SIPA1L1: variants seen among roughly 807,000 people sequenced by gnomAD.
SIPA1L1 encodes signal induced proliferation associated 1 like 1, also known as signal-induced proliferation-associated 1-like protein 1.
In SIPA1L1, 26 loss-of-function variants were observed where a neutral mutation model predicts 162.7. The observed-to-expected ratio is 0.16, with a 90% CI of 0.12 to 0.22. SIPA1L1 has a LOEUF of 0.22. SIPA1L1 is among the 10% of genes least tolerant of loss of function. SIPA1L1 has a pLI of 1.00. For synonymous variants in SIPA1L1, 829 were observed against 837.4 expected, an observed-to-expected ratio of 0.99 and a Z score of 0.17; for missense variants, 1,874 against 2,241.0, an observed-to-expected ratio of 0.84 and a Z score of 3.31.
At chr14:71,700,770 G>T (rs778338559) in intron 14 of SIPA1L1, among the ~76,000 whole-genome samples, 1 of 151,884 alleles carries the variant, frequency 6.6e-6, no homozygotes, top group Non-Finnish European at 1.5e-5. Context: ...CGAGGCGGGC[G>T]GATCACGAGG....
At position 71,377,304 on chromosome 14, in the gene SIPA1L1, G is replaced by A. The variant is rs546378112; in HGVS notation, c.-465+56123G>A. Among the ~76,000 whole-genome samples, 8 of 151,864 alleles carry A rather than the reference G, an allele frequency of 5.3e-5. No homozygotes were observed. Among genetic ancestry groups the A allele is most frequent in the African/African-American group, 7.2e-5 (3 of 41,386 alleles). On this transcript the variant is annotated intron_variant, in intron 2 of 23. Transcript: ENST00000381232. The surrounding 1 kb of genome is among the most constrained non-coding windows in gnomAD (Gnocchi z 4.8). ...GCGTTCTCCACTTCTCAGACAGGGC[G>A]GCTGCCGGGTGGAGGGGCTCCTCAA...
At chr14:71,633,475 A>C (rs780545783) in intron 7 of SIPA1L1, among the ~76,000 whole-genome samples, 1 of 152,134 alleles carries the variant, frequency 6.6e-6, no homozygotes, top group Non-Finnish European at 1.5e-5. Flanking sequence ...CCCAGCCACA[A>C]GCATGATTTT....
chr14:71,544,332 AT>A (rs2054966624), intron 4 of SIPA1L1, among the ~76,000 whole-genome samples: 1 of 151,598 alleles, frequency 6.6e-6, no homozygotes, highest in East Asian at 1.9e-4. Context: ...ATATACATAT[AT>A]CATGTGTGTG....
At chr14:71,404,075 CT>C (rs2041874169) in intron 2 of SIPA1L1, among the ~76,000 whole-genome samples, 2 of 133,474 alleles carry the variant, frequency 1.5e-5, no homozygotes, top group Non-Finnish European at 1.5e-5. Flanking sequence ...AGTTTCATGA[CT>C]TTTGCCAGAA....
chr14:71,456,068 AT>A (rs1331968171), intron 2 of SIPA1L1, among the ~76,000 whole-genome samples: 1 of 152,186 alleles, frequency 6.6e-6, no homozygotes, highest in Non-Finnish European at 1.5e-5. Context: ...ATGCAATATC[AT>A]TTTTTAATTG....
At chr14:71,715,821 C>G (rs2083227324) in intron 17 of SIPA1L1, among the ~76,000 whole-genome samples, 1 of 152,230 alleles carries the variant, frequency 6.6e-6, no homozygotes, top group Admixed American at 6.5e-5. Context: ...TCTCAAGCAT[C>G]TGGCTTTGTT....
rs549165404 is a variant in SIPA1L1, at chr14:71,714,151, G to A, written c.4208+4487G>A. On this transcript the variant is annotated intron_variant, in intron 17 of 23. Transcript: ENST00000381232. ...ATTATGTTCTATGTTGCTGTTACAT[G>A]GCAGAACTCCAGGTGATTTGGCCTA... Among the ~76,000 whole-genome samples the A allele has an allele frequency of 2.0e-5, 3 of 152,236 alleles. No homozygotes were observed. The South Asian group carries it at 6.2e-4, about 32-fold the overall frequency.
At chr14:71,716,781 G>A (rs572241522) in intron 17 of SIPA1L1, among the ~76,000 whole-genome samples, 4 of 152,232 alleles carry the variant, frequency 2.6e-5, no homozygotes, top group South Asian at 4.1e-4. Context: ...ATAAAGCTTC[G>A]CCACAGCTGG....
intron 16 of SIPA1L1, among the ~76,000 whole-genome samples, chr14:71,708,978 T>G (rs532695026): frequency 6.6e-6 from 1 of 152,236 alleles, no homozygotes; most frequent in Non-Finnish European, 1.5e-5. Context: ...ATTGATACTT[T>G]AGCATAAATC....
intron 2 of SIPA1L1, chr14:71,504,067 AG>A (rs1208209971): frequency 1.3e-5 from 2 of 152,078 alleles, no homozygotes; most frequent in Admixed American, 6.6e-5. Context: ...GGCCTCCCAA[AG>A]TGCTGGGATT....
rs1221385539 is a variant in SIPA1L1, at chr14:71,740,590, T to C, written c.*1429T>C. 6.6e-6 allele frequency: 1 copy of C among 152,172 alleles called. No individual in the cohort carries two copies. Among genetic ancestry groups the C allele is most frequent in the Non-Finnish European group, 1.5e-5 (1 of 68,026 alleles). 9.4% of individuals were successfully genotyped at this position (152,172 alleles called of 1,614,324 possible). ...AGTTCCCTCACCCAAGTAATCTCAA[T>C]TCCTTCCTCTCTCCATCCCTGAAAG... On this transcript the variant is annotated 3_prime_UTR_variant, in exon 24 of 24. Transcript: ENST00000381232.
intron 4 of SIPA1L1, among the ~76,000 whole-genome samples, chr14:71,546,351 T>A (rs1045900967): frequency 6.0e-5 from 9 of 150,766 alleles, no homozygotes; most frequent in African/African-American, 2.2e-4. Flanking sequence ...CTCTCTTCTC[T>A]CTGTATTGTT....
chr14:71,396,301 G>A (rs1188949836), intron 2 of SIPA1L1, among the ~76,000 whole-genome samples: 3 of 152,116 alleles, frequency 2.0e-5, no homozygotes, highest in Non-Finnish European at 4.4e-5. Context: ...TTTTTATATA[G>A]TGAGTGTGGG....
chr14:71,637,449 G>A (rs1321236435), intron 7 of SIPA1L1, among the ~76,000 whole-genome samples: 2 of 151,878 alleles, frequency 1.3e-5, no homozygotes, highest in East Asian at 1.9e-4. Flanking sequence ...AAACTTTATC[G>A]AGTTGGGCGC....
At chr14:71,619,242 G>A (rs1252675318) in intron 6 of SIPA1L1, among the ~76,000 whole-genome samples, 5 of 152,136 alleles carry the variant, frequency 3.3e-5, no homozygotes, top group African/African-American at 1.2e-4. Flanking sequence ...GAGGAGCCAG[G>A]ATATTAGATA....
chr14:71,337,530 G>T (rs2035219884), intron 2 of SIPA1L1, among the ~76,000 whole-genome samples: 1 of 152,144 alleles, frequency 6.6e-6, no homozygotes, highest in Non-Finnish European at 1.5e-5. Context: ...GCATGTCCTG[G>T]AGAACTCCTC....
chr14:71,421,330 C>T (rs890165350), intron 2 of SIPA1L1, among the ~76,000 whole-genome samples: 9 of 152,168 alleles, frequency 5.9e-5, no homozygotes, highest in Middle Eastern at 3.4e-3. Flanking sequence ...TGGTGGCTCA[C>T]GCCTGTAACC....
Position 71,739,317 on chromosome 14 carries a change from A to G in SIPA1L1, c.*156A>G, listed in dbSNP as rs1174946030. 4 of 490,376 alleles carry G rather than the reference A, an allele frequency of 8.2e-6. No individual in the cohort carries two copies. The highest frequency in any genetic ancestry group is 4.1e-5 in the Admixed American group (1 of 24,400). The allele number at this position is 490,376 out of a possible 1,614,324, so 30.4% of individuals were successfully genotyped here. On this transcript the variant is annotated 3_prime_UTR_variant, in exon 24 of 24. Transcript: ENST00000381232. The stretch of plus-strand genomic sequence containing the variant: ...GTGCACAACACAATAGTTGCAGATC[A>G]ACAATCATCACCTGCCTTTTGTAGA...
At chr14:71,523,792 G>T (rs1300933640) in intron 3 of SIPA1L1, among the ~76,000 whole-genome samples, 1 of 152,108 alleles carries the variant, frequency 6.6e-6, no homozygotes, top group Non-Finnish European at 1.5e-5. Context: ...GTGGATGTTT[G>T]TTTTATCCTA....
Sources: gnomAD v4.1 joint callset for allele counts (sites outside exome capture counted in the v4.1 genomes callset) on GRCh38, gnomAD v4.1.1 for gene constraint, Gnocchi (gnomAD v3.1) non-coding constraint, MANE v1.5 for transcripts, NCBI Gene and HGNC (gene_info 2026-07-23, HGNC 2026-07-21) for gene names.